The following HDAC9 variants were observed in gnomAD, a reference collection of about 807,000 sequenced individuals.
The protein encoded by HDAC9 is histone deacetylase 9.
HDAC9 carries 41 observed loss-of-function variants against 139.4 expected under a neutral mutation model. The observed-to-expected ratio is 0.29, with a 90% confidence interval of 0.23 to 0.38. HDAC9 has a LOEUF of 0.38. HDAC9 is among the 10% of genes least tolerant of loss of function. The pLI is 1.00. For missense variants in HDAC9, 1,147 were observed against 1,297.0 expected, an observed-to-expected ratio of 0.88 and a Z score of 1.78; for synonymous variants, 517 against 476.2, an observed-to-expected ratio of 1.09 and a Z score of -1.12.
intron 6 of HDAC9, among the ~76,000 whole-genome samples, chr7:18,614,290 C>T (rs935538872): frequency 7.2e-5 from 11 of 152,074 alleles, no homozygotes; most frequent in African/African-American, 1.9e-4. Flanking sequence ...GTTGACCCTC[C>T]AATCCGCCAC....
At chr7:18,755,920 C>T (rs1343870503) in intron 14 of HDAC9, among the ~76,000 whole-genome samples, 2 of 152,132 alleles carry the variant, frequency 1.3e-5, no homozygotes, top group Non-Finnish European at 1.5e-5. Context: ...CTTCCGTCCA[C>T]CAATATTTTA....
At chr7:18,270,797 A>G (rs1444067351) in intron 2 of HDAC9, among the ~76,000 whole-genome samples, 1 of 152,184 alleles carries the variant, frequency 6.6e-6, no homozygotes, top group African/African-American at 2.4e-5. Flanking sequence ...CTGACAAGCT[A>G]AATAAAACCA....
intron 1 of HDAC9, among the ~76,000 whole-genome samples, chr7:18,476,611 G>T (rs1795129790): frequency 6.6e-6 from 1 of 152,048 alleles, no homozygotes; most frequent in Admixed American, 6.6e-5. Context: ...TGAAGCATTA[G>T]TATTTCAGAC....
At chr7:18,416,485 A>C (rs1252983156) in intron 1 of HDAC9, among the ~76,000 whole-genome samples, 1 of 151,480 alleles carries the variant, frequency 6.6e-6, no homozygotes, top group Non-Finnish European at 1.5e-5. Context: ...TTGGTATTAT[A>C]TTTTCTTTAA....
intron 12 of HDAC9, among the ~76,000 whole-genome samples, chr7:18,673,958 C>T (rs1367669005): frequency 6.6e-6 from 1 of 152,026 alleles, no homozygotes; most frequent in African/African-American, 2.4e-5. Context: ...CTTACCGCTC[C>T]ATTCTCATCT....
intron 25 of HDAC9, among the ~76,000 whole-genome samples, chr7:18,985,013 C>T (rs1385189153): frequency 6.6e-6 from 1 of 152,044 alleles, no homozygotes. Flanking sequence ...AGAATTGTTA[C>T]ACAGGAAGTC....
At chr7:18,881,099 G>T (rs911010899) in intron 22 of HDAC9, among the ~76,000 whole-genome samples, 2 of 151,996 alleles carry the variant, frequency 1.3e-5, no homozygotes, top group African/African-American at 4.8e-5. Flanking sequence ...CTAAAAACTT[G>T]AGTACTAATC....
rs115480317 is a variant in HDAC9, at chr7:18,837,704, T to A, written c.2684+1707T>A. Among the ~76,000 whole-genome samples the A allele has an allele frequency of 9.3e-3, 1,417 of 152,230 alleles. 26 individuals are homozygous for A. Among genetic ancestry groups the A allele is most frequent in the African/African-American group, 0.032 (1,327 of 41,568 alleles). On this transcript the variant is annotated intron_variant, in intron 21 of 25. Transcript: ENST00000686413. ...GCAATGAAAGGCAACTTCTATTTTG[T>A]GCCTTTGTTTTCCCATCACAAAGTG...
In HDAC9 at chr7:18,634,654, G is replaced by T. The variant is rs1398851463; in HGVS notation, c.824G>T (p.Gly275Val). ...TCCTCAGTCAGTAGCAGTTCTCCAG[G>T]CTCTGGTCCCAGTTCACCAAACAAT... is the stretch of plus-strand genomic sequence containing the variant. ...TESSVSSSSPGSGPSSPNNGP... is the reference protein window; with the variant it reads ...TESSVSSSSPVSGPSSPNNGP... Residue 275 changes from glycine to valine, a missense_variant, in exon 8 of 26, where the codon GGC becomes GTC. By Grantham distance (109) the Gly-to-Val change is moderately radical. Coordinates refer to ENST00000686413, the MANE Select transcript of HDAC9 (RefSeq NM_178425.4). 1.3e-5 allele frequency: 20 copies of T among 1,587,988 alleles called. No individual in the cohort carries two copies. The highest frequency in any genetic ancestry group is 1.6e-5 in the Non-Finnish European group (19 of 1,165,724).
rs116465573 is a variant in HDAC9, at chr7:18,332,218, G to A, written c.-42+41703G>A. On this transcript the variant is annotated intron_variant, in intron 1 of 3. Coordinates refer to the HDAC9 transcript ENST00000413509. ...TCAAACTAACAACCAAAATATTCTGGTAGAAATAAGGTAAGGTTGAGAAGT... is the reference window on the plus strand; with the variant it reads ...TCAAACTAACAACCAAAATATTCTGATAGAAATAAGGTAAGGTTGAGAAGT... 4.6e-3 allele frequency among the ~76,000 whole-genome samples: 704 copies of A among 151,570 alleles called. 4 individuals are homozygous for A. The highest frequency in any genetic ancestry group is 0.016 in the African/African-American group (662 of 41,416).
chr7:19,000,967 T>G lies in HDAC9; in HGVS notation c.*4905T>G, dbSNP rs1786719849. The G allele has an allele frequency of 6.6e-6, 1 of 152,196 alleles. No homozygotes were observed. Among genetic ancestry groups the G allele is most frequent in the African/African-American group, 2.4e-5 (1 of 41,462 alleles). The allele number at this position is 152,196 out of a possible 1,614,324, so 9.4% of individuals were successfully genotyped here. On this transcript the variant is annotated 3_prime_UTR_variant, in exon 26 of 26. Transcript: ENST00000686413. ...ATTTTGATAGATACTCTGTCTTTTG[T>G]TTTTTATCTCTTCTCTTTTCAAGAG... is the stretch of plus-strand genomic sequence containing the variant.
chr7:18,266,799 A>C (rs764400165), intron 2 of HDAC9, among the ~76,000 whole-genome samples: 13 of 152,220 alleles, frequency 8.5e-5, no homozygotes, highest in Non-Finnish European at 1.6e-4. Flanking sequence ...ACAGTGAGAA[A>C]ACATATAACA....
At chr7:18,725,978 G>A (rs1785515434) in intron 12 of HDAC9, among the ~76,000 whole-genome samples, 1 of 152,126 alleles carries the variant, frequency 6.6e-6, no homozygotes, top group Admixed American at 6.6e-5. Flanking sequence ...ATTGATTGAT[G>A]GTTTGATTAT....
intron 1 of HDAC9, among the ~76,000 whole-genome samples, chr7:18,136,332 C>T (rs1785416096): frequency 6.6e-6 from 1 of 152,078 alleles, no homozygotes; most frequent in Non-Finnish European, 1.5e-5. Flanking sequence ...TCAATTTTGT[C>T]CTTTGTTGCC....
At chr7:18,243,222 C>T (rs1469284874) in intron 2 of HDAC9, among the ~76,000 whole-genome samples, 1 of 152,138 alleles carries the variant, frequency 6.6e-6, no homozygotes, top group African/African-American at 2.4e-5. Flanking sequence ...AAAAAATGTT[C>T]GATGGATGTA....
chr7:18,517,207 C>T (rs1487322672), intron 2 of HDAC9, among the ~76,000 whole-genome samples: 1 of 152,182 alleles, frequency 6.6e-6, no homozygotes, highest in African/African-American at 2.4e-5. Flanking sequence ...GCGTCATGTG[C>T]TTACAGGAAT....
rs192014108 is a variant in HDAC9 at position 18,981,670 on chromosome 7, T to G, written c.3170+5717T>G. Among the ~76,000 whole-genome samples the G allele has an allele frequency of 3.4e-3, 511 of 152,308 alleles. 4 individuals carry two copies. Among genetic ancestry groups the G allele is most frequent in the South Asian group, 6.8e-3 (33 of 4,830 alleles). ...TTCAGTCATCATATCTCTCTCTGCC[T>G]TCAGCTGAGAAAGGGTTTCTGCTAT... On this transcript the variant is annotated intron_variant, in intron 25 of 25. Transcript: ENST00000686413.
chr7:18,821,232 T>C (rs946347207), intron 17 of HDAC9, among the ~76,000 whole-genome samples: 13 of 152,240 alleles, frequency 8.5e-5, no homozygotes, highest in African/African-American at 2.9e-4. Context: ...GGCCCTACCA[T>C]TTAATAATAT....
chr7:18,220,406 A>G lies in HDAC9; in HGVS notation c.25+58057A>G, dbSNP rs139769298. Among the ~76,000 whole-genome samples, 292 of 152,302 alleles carry G rather than the reference A, an allele frequency of 1.9e-3. 3 individuals are homozygous for G. The highest frequency in any genetic ancestry group is 5.9e-3 in the African/African-American group (246 of 41,578). On this transcript the variant is annotated intron_variant, in intron 2 of 12. Coordinates refer to the HDAC9 transcript ENST00000417496. Reference sequence around the variant, plus strand: ...TAGCAGTATGAACTTTGAAACCCATAGATGTGATGAATTCTGTGGAACCAG... The same window carrying G: ...TAGCAGTATGAACTTTGAAACCCATGGATGTGATGAATTCTGTGGAACCAG...
Sources: allele counts gnomAD v4.1 joint callset (sites outside exome capture counted in the v4.1 genomes callset), GRCh38; gene constraint gnomAD v4.1.1; transcripts MANE v1.5; gene names NCBI Gene and HGNC (gene_info 2026-07-23, HGNC 2026-07-21).